The following HDGFL3 variants were observed in gnomAD, a reference collection of about 807,000 sequenced individuals.
HDGFL3 encodes HDGF like 3, also known as hepatoma-derived growth factor-related protein 3.
A neutral mutation model predicts 27.6 loss-of-function variants in HDGFL3; 6 were observed. That is an observed-to-expected ratio of 0.22 (90% CI 0.12 to 0.43). The LOEUF is 0.43. Among genes scored for constraint, HDGFL3 ranks in the 20% least tolerant of loss-of-function variants. The pLI is 1.00. For missense variants in HDGFL3, 207 were observed against 250.1 expected, an observed-to-expected ratio of 0.83 and a Z score of 1.16; for synonymous variants, 88 against 88.9, an observed-to-expected ratio of 0.99 and a Z score of 0.05.
chr15:83,186,313 T>C (rs1202892940), intron 1 of HDGFL3, among the ~76,000 whole-genome samples: 12 of 152,228 alleles, frequency 7.9e-5, no homozygotes, highest in Admixed American at 7.9e-4. Context: ...AAGCAGGAGA[T>C]ACCAGACAAG....
At chr15:83,160,119 G>A (rs1039137261) in intron 2 of HDGFL3, among the ~76,000 whole-genome samples, 2 of 152,138 alleles carry the variant, frequency 1.3e-5, no homozygotes, top group Non-Finnish European at 2.9e-5. Context: ...TCAAGAAAGA[G>A]CATCAAGATT....
At chr15:83,148,266 T>G (rs2036923477) in intron 5 of HDGFL3, among the ~76,000 whole-genome samples, 1 of 152,030 alleles carries the variant, frequency 6.6e-6, no homozygotes, top group Non-Finnish European at 1.5e-5. Flanking sequence ...CTAAATAAAC[T>G]CTTGTACACG....
intron 1 of HDGFL3, among the ~76,000 whole-genome samples, chr15:83,187,717 C>A (rs186296130): frequency 6.6e-6 from 1 of 151,838 alleles, no homozygotes; most frequent in Non-Finnish European, 1.5e-5. Context: ...GGAGAAACCC[C>A]GTCTCCAATA....
intron 1 of HDGFL3, among the ~76,000 whole-genome samples, chr15:83,188,974 C>T (rs926063923): frequency 1.3e-5 from 2 of 152,146 alleles, no homozygotes; most frequent in African/African-American, 4.8e-5. Context: ...ACCCAGATGC[C>T]CTTACCAGAA....
chr15:83,161,948 C>A (rs960187886), intron 2 of HDGFL3, among the ~76,000 whole-genome samples: 5 of 152,068 alleles, frequency 3.3e-5, no homozygotes, highest in African/African-American at 1.2e-4. Flanking sequence ...ATGTTAGAAG[C>A]AGAAGAACTT....
In HDGFL3 at chr15:83,207,453, G is replaced by C. The variant is rs377567414; in HGVS notation, c.-39C>G. Reference sequence around the variant, plus strand: ...CTTCCTGGTAGTCCTTGGTCGCCGCGAAGATGCCGGGAGGCCGCCCCCCCG... The same window carrying C: ...CTTCCTGGTAGTCCTTGGTCGCCGCCAAGATGCCGGGAGGCCGCCCCCCCG... On this transcript the variant is annotated 5_prime_UTR_variant, in exon 1 of 6. Coordinates refer to ENST00000299633, the MANE Select transcript of HDGFL3 (RefSeq NM_016073.4). The surrounding 1 kb of genome is among the most constrained non-coding windows in gnomAD (Gnocchi z 4.8). 1.5e-4 allele frequency: 191 copies of C among 1,260,940 alleles called. No homozygotes were observed. The highest frequency in any genetic ancestry group is 1.4e-4 in the Non-Finnish European group (137 of 992,640). The allele number at this position is 1,260,940 out of a possible 1,614,324, so 78.1% of individuals were successfully genotyped here.
chr15:83,200,044 CA>C (rs796608256), intron 1 of HDGFL3, among the ~76,000 whole-genome samples: 159 of 83,738 alleles, frequency 1.9e-3, no homozygotes, highest in African/African-American at 2.7e-3. Context: ...AACTCCATCT[CA>C]AAAAAAAAAA....
intron 1 of HDGFL3, among the ~76,000 whole-genome samples, chr15:83,203,580 C>T (rs2037678339): frequency 6.6e-6 from 1 of 152,018 alleles, no homozygotes; most frequent in African/African-American, 2.4e-5. Context: ...TAAGCTGACA[C>T]TTCTATTCTA....
At chr15:83,147,561 A>AC (rs1263234320) in intron 5 of HDGFL3, among the ~76,000 whole-genome samples, 1 of 152,206 alleles carries the variant, frequency 6.6e-6, no homozygotes, top group Non-Finnish European at 1.5e-5. Context: ...GCCCTACATG[A>AC]TATCAGGACT....
chr15:83,191,074 C>T (rs2037505637), intron 1 of HDGFL3, among the ~76,000 whole-genome samples: 1 of 152,176 alleles, frequency 6.6e-6, no homozygotes, highest in Non-Finnish European at 1.5e-5. Context: ...AGAATTCCAT[C>T]TATCTGTGGG....
In HDGFL3 at chr15:83,136,797, A is replaced by T; in HGVS notation, c.*2473T>A. The T allele has an allele frequency of 1.3e-6, 1 of 783,172 alleles. No individual in the cohort carries two copies. The highest frequency in any genetic ancestry group is 2.0e-6 in the Non-Finnish European group (1 of 504,394). The allele number at this position is 783,172 out of a possible 1,614,324, so 48.5% of individuals were successfully genotyped here. A position where few individuals can be genotyped will look rare whatever the true frequency, so the allele number is the denominator to read the frequency against. ...AAGAATATGTACATTCTTGCTCTGC[A>T]CTGTATGTGTGAGCTATATGGTATT... On this transcript the variant is annotated 3_prime_UTR_variant, in exon 6 of 6. Coordinates refer to ENST00000299633, the MANE Select transcript of HDGFL3 (RefSeq NM_016073.4).
intron 1 of HDGFL3, among the ~76,000 whole-genome samples, chr15:83,175,662 A>G (rs539891830): frequency 6.6e-6 from 1 of 152,276 alleles, no homozygotes; most frequent in South Asian, 2.1e-4. Context: ...GATCGAGACC[A>G]TCCTGGCTAA....
At chr15:83,140,719 A>T (rs1236259696) in intron 5 of HDGFL3, among the ~76,000 whole-genome samples, 2 of 152,104 alleles carry the variant, frequency 1.3e-5, no homozygotes, top group Non-Finnish European at 2.9e-5. Context: ...TGACCTTGTG[A>T]TCTGCCTGGC....
At chr15:83,143,156 G>A (rs1437096706) in intron 5 of HDGFL3, among the ~76,000 whole-genome samples, 1 of 152,044 alleles carries the variant, frequency 6.6e-6, no homozygotes, top group African/African-American at 2.4e-5. Context: ...GGGATTACGG[G>A]CACATGCCAC....
intron 3 of HDGFL3, among the ~76,000 whole-genome samples, chr15:83,121,348 C>G (rs1313837079): frequency 6.6e-6 from 1 of 151,722 alleles, no homozygotes; most frequent in Non-Finnish European, 1.5e-5. Context: ...TCTCAAAGTG[C>G]TGGGATTACA....
At chr15:83,168,169 G>C (rs1011622725) in intron 1 of HDGFL3, among the ~76,000 whole-genome samples, 1 of 152,150 alleles carries the variant, frequency 6.6e-6, no homozygotes, top group Non-Finnish European at 1.5e-5. Flanking sequence ...GTGTTAAGAG[G>C]AAAGTTCACA....
chr15:83,115,942 G>A (rs1237493357), intron 3 of HDGFL3: 1 of 1,610,960 alleles, frequency 6.2e-7, no homozygotes, highest in Non-Finnish European at 8.5e-7. Context: ...ACTTGAGAGA[G>A]GTATGGGATC....
chr15:83,207,436 T>G lies in HDGFL3; in HGVS notation c.-22A>C. ...CCATCCCAGCCGCTCCCCTTCCTGG[T>G]AGTCCTTGGTCGCCGCGAAGATGCC... On this transcript the variant is annotated 5_prime_UTR_variant, in exon 1 of 6. Transcript: ENST00000299633. This position sits in a 1 kb window ranked among gnomAD's most constrained non-coding sequence, Gnocchi z 4.8. 1 of 1,289,606 alleles carries G rather than the reference T, an allele frequency of 7.8e-7. No homozygotes were observed. The highest frequency in any genetic ancestry group is 9.9e-7 in the Non-Finnish European group (1 of 1,010,272). 79.9% of individuals were successfully genotyped at this position (1,289,606 alleles called of 1,614,324 possible). A position where few individuals can be genotyped will look rare whatever the true frequency, so the allele number is the denominator to read the frequency against.
In HDGFL3 at chr15:83,128,589, T is replaced by C. The variant is rs17507763; in HGVS notation, c.*10681A>G. ...TATAAGCTGATAACTTCCAGTTTTC[T>C]ACCTTCGGCCCACACCGTTCCCAGA... On this transcript the variant is annotated 3_prime_UTR_variant, in exon 6 of 6. Transcript: ENST00000299633. 0.25 allele frequency: 37,857 copies of C among 152,086 alleles called. 5,057 individuals are homozygous for C. The highest frequency in any genetic ancestry group is 0.34 in the African/African-American group (13,986 of 41,470). The allele number at this position is 152,086 out of a possible 1,614,324, so 9.4% of individuals were successfully genotyped here. A position where few individuals can be genotyped will look rare whatever the true frequency, so the allele number is the denominator to read the frequency against.
Sources: gnomAD v4.1 joint callset for allele counts (sites outside exome capture counted in the v4.1 genomes callset) on GRCh38, gnomAD v4.1.1 for gene constraint, Gnocchi (gnomAD v3.1) non-coding constraint, MANE v1.5 for transcripts, NCBI Gene and HGNC (gene_info 2026-07-23, HGNC 2026-07-21) for gene names.